The following GPM6B variants were observed in gnomAD, a reference collection of about 807,000 sequenced individuals.
The protein encoded by GPM6B is glycoprotein M6B, also known as neuronal membrane glycoprotein M6-b.
In GPM6B, 4 loss-of-function variants were observed where a neutral mutation model predicts 27.2. That is an observed-to-expected ratio of 0.15 (90% confidence interval 0.07 to 0.34). GPM6B has a LOEUF of 0.34. Ranked by LOEUF, GPM6B falls within the 10% of genes least tolerant of loss-of-function variation. GPM6B has a pLI of 1.00. For missense variants in GPM6B, 183 were observed against 261.9 expected (o/e 0.70, Z 2.08); for synonymous variants, 124 against 103.1 (o/e 1.20, Z -1.23).
At chrX:13,834,759 T>A (rs1204666352) in intron 1 of GPM6B, among the ~76,000 whole-genome samples, 1 of 111,765 alleles carries the variant, frequency 8.9e-6, no homozygotes, top group Non-Finnish European at 1.9e-5. Context: ...CAACCTGAGA[T>A]CCCACTCATT....
In GPM6B at chrX:13,772,061, G is replaced by A. The variant is rs946599498; in HGVS notation, c.*820C>T. ...ATTTATGGAACAAAATTCTGTGAAAGATATTTGGGTCTCTAGTTATGATAT... is the reference window on the plus strand; with the variant it reads ...ATTTATGGAACAAAATTCTGTGAAAAATATTTGGGTCTCTAGTTATGATAT... On this transcript the variant is annotated 3_prime_UTR_variant, in exon 8 of 8. Transcript: ENST00000316715. 8.9e-6 allele frequency: 1 copy of A among 112,265 alleles called. No individual in the cohort carries two copies. The highest frequency in any genetic ancestry group is 1.9e-5 in the Non-Finnish European group (1 of 53,170). The allele number at this position is 112,265 out of a possible 1,213,427, so 9.3% of individuals were successfully genotyped here.
At chrX:13,884,899 T>C (rs1341520358) in intron 1 of GPM6B, among the ~76,000 whole-genome samples, 2 of 112,106 alleles carry the variant, frequency 1.8e-5, no homozygotes, top group Non-Finnish European at 3.8e-5. Flanking sequence ...GAGAAGGTCC[T>C]ATGTAGTGAT....
intron 2 of GPM6B, among the ~76,000 whole-genome samples, chrX:13,794,472 C>A (rs1306065889): frequency 2.7e-5 from 3 of 111,826 alleles, no homozygotes; most frequent in Non-Finnish European, 3.8e-5. Context: ...AGTGGGCCCT[C>A]AAAGACGGTC....
At chrX:13,863,015 T>C (rs150851937) in intron 1 of GPM6B, among the ~76,000 whole-genome samples, 1,924 of 111,401 alleles carry the variant, frequency 0.017, 40 homozygotes, top group East Asian at 0.14. Flanking sequence ...ACTTTAAAAA[T>C]TGGTATAATT....
At chrX:13,916,127 A>G (rs2050426512) in intron 1 of GPM6B, among the ~76,000 whole-genome samples, 1 of 111,795 alleles carries the variant, frequency 8.9e-6, no homozygotes, top group Admixed American at 9.5e-5. Flanking sequence ...TCATGAGGCT[A>G]GAGCTATAAT....
intron 1 of GPM6B, among the ~76,000 whole-genome samples, chrX:13,858,430 C>T (rs1295951403): frequency 9.0e-6 from 1 of 111,427 alleles, no homozygotes; most frequent in East Asian, 2.8e-4. Context: ...AATTTGCACG[C>T]TTTAAATATT....
intron 1 of GPM6B, among the ~76,000 whole-genome samples, chrX:13,914,076 T>C (rs967924456): frequency 1.8e-5 from 2 of 111,753 alleles, no homozygotes; most frequent in East Asian, 2.8e-4. Flanking sequence ...TTAATAGTTA[T>C]ACCATAAGCT....
Position 13,796,865 on chromosome X carries a change from AACC to A in GPM6B, c.181+10782_181+10784del, listed in dbSNP as rs200927722. ...ATGACTGGGAATAAACAAATCCAACAACCAGATACTTGTTAGTCTCTTCCTTTG... is the reference window on the plus strand; with the variant it reads ...ATGACTGGGAATAAACAAATCCAACAAGATACTTGTTAGTCTCTTCCTTTG... On this transcript the variant is annotated intron_variant, in intron 2 of 7. Transcript: ENST00000316715. Among the ~76,000 whole-genome samples the A allele has an allele frequency of 7.3e-3, 815 of 112,233 alleles. 3 individuals are homozygous for A. The highest frequency in any genetic ancestry group is 0.01 in the Non-Finnish European group (556 of 53,218).
At chrX:13,789,505 G>A (rs113008855) in intron 2 of GPM6B, among the ~76,000 whole-genome samples, 59 of 111,749 alleles carry the variant, frequency 5.3e-4, no homozygotes, top group African/African-American at 1.8e-3. Context: ...ACCAGGCGCC[G>A]TGGCTCACGC....
chrX:13,922,848 T>A (rs1643692776), intron 1 of GPM6B, among the ~76,000 whole-genome samples: 1 of 111,804 alleles, frequency 8.9e-6, no homozygotes, highest in Admixed American at 9.5e-5. Flanking sequence ...AAAAAGGGAT[T>A]TTTATGCCTG....
rs1555918783 is a variant in GPM6B, at chrX:13,837,724, G to GGGGGGGGGC, written c.-197-51917_-197-51916insGCCCCCCCC. Among the ~76,000 whole-genome samples, 12 of 32,882 alleles carry GGGGGGGGGC rather than the reference G, an allele frequency of 3.6e-4. 3 individuals carry two copies. The highest frequency in any genetic ancestry group is 8.1e-4 in the Non-Finnish European group (10 of 12,311). The allele number at this position is 32,882 out of a possible 115,157, so 28.6% of individuals were successfully genotyped here. On this transcript the variant is annotated intron_variant, in intron 1 of 6. Transcript: ENST00000398361. Reference sequence around the variant, plus strand: ...AAGCAAGTTGGTGGGGGGGGGGGGGGGGGGAAGCAGAGGGGAAAGCAAAGC... The same window carrying GGGGGGGGGC: ...AAGCAAGTTGGTGGGGGGGGGGGGGGGGGGGGGGCGGGGAAGCAGAGGGGAAAGCAAAGC...
At chrX:13,842,704 C>G (rs1405335094) in intron 1 of GPM6B, among the ~76,000 whole-genome samples, 1 of 110,281 alleles carries the variant, frequency 9.1e-6, no homozygotes, top group Non-Finnish European at 1.9e-5. Flanking sequence ...CATAGTGAGG[C>G]CCCCATGTCT....
intron 1 of GPM6B, among the ~76,000 whole-genome samples, chrX:13,934,355 C>T (rs753490667): frequency 5.7e-4 from 64 of 111,736 alleles, no homozygotes; most frequent in Middle Eastern, 4.6e-3. Context: ...TCTCCCACTG[C>T]ATCTGAATTC....
chrX:13,776,180 T>C (rs1157140209), intron 7 of GPM6B, 58 bp downstream of exon 7: 1 of 964,173 alleles, frequency 1.0e-6, no homozygotes, highest in Non-Finnish European at 1.5e-6. Context: ...GGGAAATCTG[T>C]CATTTAGAAG....
At chrX:13,773,992 G>A (rs1458678570) in intron 7 of GPM6B, 1 of 526,855 alleles carries the variant, frequency 1.9e-6, no homozygotes, top group East Asian at 1.9e-4. Flanking sequence ...AGAGAACTGG[G>A]TGACCTTTTT....
chrX:13,835,698 C>A (rs778832935), intron 1 of GPM6B, among the ~76,000 whole-genome samples: 1 of 112,202 alleles, frequency 8.9e-6, no homozygotes, highest in Non-Finnish European at 1.9e-5. Context: ...GCTAGTCTTA[C>A]GTGTACCTTT....
chrX:13,924,111 C>A (rs772830341), intron 1 of GPM6B, among the ~76,000 whole-genome samples: 1 of 111,447 alleles, frequency 9.0e-6, no homozygotes, highest in African/African-American at 3.3e-5. Flanking sequence ...AACTGTTACA[C>A]GTCATCACTA....
At chrX:13,788,534 CTCTG>C (rs2048655131) in intron 2 of GPM6B, among the ~76,000 whole-genome samples, 1 of 108,889 alleles carries the variant, frequency 9.2e-6, no homozygotes, top group Non-Finnish European at 1.9e-5. Flanking sequence ...TTCATTAATT[CTCTG>C]TGTGTATATA....
intron 1 of GPM6B, among the ~76,000 whole-genome samples, chrX:13,850,579 T>C (rs796456453): frequency 8.9e-6 from 1 of 112,730 alleles, no homozygotes. Flanking sequence ...TAAATCCATG[T>C]AGCACAGTAG....
Sources: gnomAD v4.1 joint callset for allele counts (sites outside exome capture counted in the v4.1 genomes callset) on GRCh38, gnomAD v4.1.1 for gene constraint, MANE v1.5 for transcripts, NCBI Gene and HGNC (gene_info 2026-07-23, HGNC 2026-07-21) for gene names.